The following ZMAT5 variants were observed in gnomAD, a reference collection of about 807,000 sequenced individuals.
ZMAT5 encodes zinc finger matrin-type protein 5.
A neutral mutation model predicts 28.0 loss-of-function variants in ZMAT5; 23 were observed. The observed-to-expected ratio is 0.82, with a 90% CI of 0.59 to 1.16. The LOEUF is 1.16. Ranked by LOEUF, ZMAT5 falls within the 50% of genes most tolerant of loss-of-function variation. The pLI is 0.00. For synonymous variants in ZMAT5, 76 were observed against 84.1 expected, an observed-to-expected ratio of 0.90 and a Z score of 0.52; for missense variants, 173 against 212.7, an observed-to-expected ratio of 0.81 and a Z score of 1.16.
intron 1 of ZMAT5, among the ~76,000 whole-genome samples, chr22:29,751,553 G>C (rs2068055644): frequency 6.6e-6 from 1 of 152,138 alleles, no homozygotes; most frequent in South Asian, 2.1e-4. Flanking sequence ...TGTGGGGGAG[G>C]GCCTGTTATG....
At chr22:29,762,059 G>A (rs5763468) in intron 1 of ZMAT5, among the ~76,000 whole-genome samples, 2 of 152,090 alleles carry the variant, frequency 1.3e-5, no homozygotes, top group Non-Finnish European at 2.9e-5. Flanking sequence ...TAATTGATTA[G>A]ATTTTGTAGT....
chr22:29,741,928 A>G (rs2067966702), intron 3 of ZMAT5, among the ~76,000 whole-genome samples: 1 of 152,212 alleles, frequency 6.6e-6, no homozygotes, highest in Admixed American at 6.5e-5. Flanking sequence ...TACTGGGATT[A>G]CAAGAGTGAG....
intron 1 of ZMAT5, among the ~76,000 whole-genome samples, chr22:29,753,143 C>T (rs984781555): frequency 1.3e-5 from 2 of 152,230 alleles, no homozygotes; most frequent in Admixed American, 1.3e-4. Context: ...GATGTCAGGG[C>T]TTACATCCAG....
chr22:29,756,346 G>A (rs1215394886), intron 1 of ZMAT5, among the ~76,000 whole-genome samples: 1 of 152,176 alleles, frequency 6.6e-6, no homozygotes, highest in Non-Finnish European at 1.5e-5. Context: ...GACCCTGTTC[G>A]GAAGGAAGCG....
intron 1 of ZMAT5, among the ~76,000 whole-genome samples, chr22:29,762,845 G>C (rs1301880872): frequency 6.6e-6 from 1 of 152,142 alleles, no homozygotes; most frequent in Non-Finnish European, 1.5e-5. Context: ...GTGCCAAAAA[G>C]GTTGGGGACT....
chr22:29,734,126 A>T (rs140105), intron 5 of ZMAT5, among the ~76,000 whole-genome samples: 119,183 of 152,194 alleles, frequency 0.78, 47,308 homozygotes, highest in African/African-American at 0.92. Context: ...AGAGTCGCAA[A>T]CTGAAGAGCC....
chr22:29,755,565 C>T (rs1196631301), intron 1 of ZMAT5, among the ~76,000 whole-genome samples: 2 of 152,078 alleles, frequency 1.3e-5, no homozygotes, highest in Non-Finnish European at 2.9e-5. Context: ...ACTTCGCTTT[C>T]ATTCCCTTAT....
chr22:29,757,320 T>G (rs893314158), intron 1 of ZMAT5, among the ~76,000 whole-genome samples: 10 of 150,636 alleles, frequency 6.6e-5, no homozygotes, highest in African/African-American at 2.4e-4. Flanking sequence ...GAGAGCATGC[T>G]CAAGGTCACA....
At chr22:29,737,025 C>CAAAAAAA (rs1406580047) in intron 5 of ZMAT5, among the ~76,000 whole-genome samples, 1 of 73,940 alleles carries the variant, frequency 1.4e-5, no homozygotes, top group Admixed American at 1.5e-4. Context: ...GAATCCGTCT[C>CAAAAAAA]AAAAAAAAAA....
chr22:29,736,199 G>C (rs1199952793), intron 5 of ZMAT5, among the ~76,000 whole-genome samples: 2 of 152,196 alleles, frequency 1.3e-5, no homozygotes, highest in African/African-American at 4.8e-5. Context: ...AAGGAGTCTG[G>C]GGTGTAGGAC....
intron 3 of ZMAT5, among the ~76,000 whole-genome samples, chr22:29,741,809 C>T (rs1438386088): frequency 6.6e-6 from 1 of 152,062 alleles, no homozygotes; most frequent in Non-Finnish European, 1.5e-5. Context: ...GCTACCATGC[C>T]CAGCTAATTA....
At chr22:29,749,224 C>A (rs562375479) in intron 1 of ZMAT5, among the ~76,000 whole-genome samples, 3 of 152,014 alleles carry the variant, frequency 2.0e-5, no homozygotes, top group African/African-American at 4.8e-5. Flanking sequence ...ACTACAGGTG[C>A]GTGTCATCAT....
chr22:29,731,126 T>A lies in ZMAT5; in HGVS notation c.*99A>T. ...AGCCTCAGTGAGGCTGGGCAGATGG[T>A]CTCGGAGCCTCCATGGGGCGTAGCA... On this transcript the variant is annotated 3_prime_UTR_variant, in exon 6 of 6. Coordinates refer to ENST00000344318, the MANE Select transcript of ZMAT5 (RefSeq NM_001003692.2). The A allele has an allele frequency of 7.6e-7, 1 of 1,308,548 alleles. No individual in the cohort carries two copies. Among genetic ancestry groups the A allele is most frequent in the South Asian group, 1.8e-5 (1 of 55,344 alleles). The allele number at this position is 1,308,548 out of a possible 1,614,324, so 81.1% of individuals were successfully genotyped here.
At chr22:29,735,636 A>G (rs1397599510) in intron 5 of ZMAT5, among the ~76,000 whole-genome samples, 1 of 152,186 alleles carries the variant, frequency 6.6e-6, no homozygotes, top group African/African-American at 2.4e-5. Context: ...GCAGCAGGGC[A>G]CGTGTGATCA....
intron 1 of ZMAT5, among the ~76,000 whole-genome samples, chr22:29,750,433 G>T (rs1452820130): frequency 6.6e-6 from 1 of 152,174 alleles, no homozygotes; most frequent in Non-Finnish European, 1.5e-5. Flanking sequence ...AAAACATTTT[G>T]GGGTCTTAAG....
chr22:29,740,619 C>G (rs1310227854), intron 4 of ZMAT5, 31 bp downstream of exon 4: 1 of 1,569,734 alleles, frequency 6.4e-7, no homozygotes, highest in African/African-American at 1.3e-5. Flanking sequence ...GCACCCCACT[C>G]CCGCTTAGCC....
chr22:29,760,789 C>G (rs1410814816), intron 1 of ZMAT5, among the ~76,000 whole-genome samples: 1 of 152,122 alleles, frequency 6.6e-6, no homozygotes, highest in African/African-American at 2.4e-5. Flanking sequence ...CCTCAGGTCA[C>G]TGAAGTGGTA....
intron 4 of ZMAT5, among the ~76,000 whole-genome samples, chr22:29,739,375 G>A (rs536324411): frequency 2.0e-5 from 3 of 152,184 alleles, no homozygotes; most frequent in East Asian, 1.9e-4. Context: ...GAGCTCACTC[G>A]GGGCCAGGCC....
intron 5 of ZMAT5, among the ~76,000 whole-genome samples, chr22:29,736,125 C>T (rs1372723114): frequency 1.3e-5 from 2 of 152,206 alleles, no homozygotes; most frequent in Non-Finnish European, 2.9e-5. Context: ...GTCCAAGTAG[C>T]GGTGCAGGGG....
Sources: allele counts gnomAD v4.1 joint callset (sites outside exome capture counted in the v4.1 genomes callset), GRCh38; gene constraint gnomAD v4.1.1; transcripts MANE v1.5; gene names NCBI Gene and HGNC (gene_info 2026-07-23, HGNC 2026-07-21).